Variants in C3orf70 observed in about 807,000 individuals in gnomAD.
C3orf70 encodes the protein chromosome 3 open reading frame 70.
Under a neutral mutation model 20.7 loss-of-function variants are expected in C3orf70, and 15 were observed. That is an observed-to-expected ratio of 0.72 (90% CI 0.48 to 1.11). The LOEUF (loss-of-function observed/expected upper bound fraction) is 1.11, where lower values mean the gene tolerates loss of function less well. Ranked by LOEUF, C3orf70 falls within the 50% of genes most tolerant of loss-of-function variation. C3orf70 has a pLI of 0.00. For missense variants in C3orf70, 332 were observed against 317.6 expected, an observed-to-expected ratio of 1.05 and a Z score of -0.34; for synonymous variants, 161 against 125.7, an observed-to-expected ratio of 1.28 and a Z score of -1.88.
rs192280531 is a variant in C3orf70 at position 185,086,769 on chromosome 3, G to C, written c.197-3206C>G. Among the ~76,000 whole-genome samples the C allele has an allele frequency of 9.8e-4, 149 of 152,260 alleles. 2 individuals carry two copies. The highest frequency in any genetic ancestry group is 1.3e-3 in the Non-Finnish European group (90 of 68,030). ...ATGTGTTTACTCAGAGCGAGGGTGA[G>C]AGCCTATTATCTGGTGATATGGGGA... On this transcript the variant is annotated intron_variant, in intron 1 of 1. Coordinates refer to ENST00000335012, the MANE Select transcript of C3orf70 (RefSeq NM_001025266.3).
chr3:185,113,285 C>CAAAAGAA (rs66537133), intron 1 of C3orf70, among the ~76,000 whole-genome samples: 1,431 of 138,522 alleles, frequency 0.01, 45 homozygotes, highest in African/African-American at 0.036. Context: ...CTAAAAAATA[C>CAAAAGAA]AAAAAAGAAA....
chr3:185,117,017 G>A (rs1178981418), intron 1 of C3orf70, among the ~76,000 whole-genome samples: 3 of 152,060 alleles, frequency 2.0e-5, no homozygotes, highest in African/African-American at 7.2e-5. Context: ...TCTGGACCTC[G>A]TGATCCGCCC....
chr3:185,118,516 C>G (rs1211850213), intron 1 of C3orf70, among the ~76,000 whole-genome samples: 2 of 152,124 alleles, frequency 1.3e-5, no homozygotes, highest in Non-Finnish European at 2.9e-5. Flanking sequence ...AGGGGGTACT[C>G]AGTAAATGCC....
At chr3:185,143,859 T>C (rs1716804230) in intron 1 of C3orf70, among the ~76,000 whole-genome samples, 1 of 152,188 alleles carries the variant, frequency 6.6e-6, no homozygotes, top group Non-Finnish European at 1.5e-5. Flanking sequence ...GTGTGATATA[T>C]ATGATAGCTC....
chr3:185,144,609 TTACAGGCATG>T (rs1247190901), intron 1 of C3orf70, among the ~76,000 whole-genome samples: 3 of 152,138 alleles, frequency 2.0e-5, no homozygotes, highest in Non-Finnish European at 4.4e-5. Context: ...GTAGCTGGGA[TTACAGGCATG>T]TACCACCATG....
At chr3:185,124,407 A>G (rs1281577453) in intron 1 of C3orf70, among the ~76,000 whole-genome samples, 4 of 152,228 alleles carry the variant, frequency 2.6e-5, no homozygotes, top group Non-Finnish European at 5.9e-5. Context: ...TGAACAGTGA[A>G]GTTGGAAGAC....
chr3:185,113,930 T>C (rs1716125872), intron 1 of C3orf70, among the ~76,000 whole-genome samples: 1 of 152,234 alleles, frequency 6.6e-6, no homozygotes, highest in Non-Finnish European at 1.5e-5. Flanking sequence ...CCGGGCGTGG[T>C]GGCTCACGCC....
intron 1 of C3orf70, among the ~76,000 whole-genome samples, chr3:185,125,235 C>G (rs1023668877): frequency 5.9e-5 from 9 of 151,982 alleles, no homozygotes; most frequent in African/African-American, 2.2e-4. Context: ...CAAAATTAGC[C>G]GGGTGTGGTG....
chr3:185,116,047 T>C (rs1377609823), intron 1 of C3orf70, among the ~76,000 whole-genome samples: 1 of 152,198 alleles, frequency 6.6e-6, no homozygotes, highest in East Asian at 1.9e-4. Flanking sequence ...CTTGTCCCAG[T>C]CCAGTGCTGC....
At chr3:185,085,894 G>C (rs912057645) in intron 1 of C3orf70, among the ~76,000 whole-genome samples, 3 of 152,130 alleles carry the variant, frequency 2.0e-5, no homozygotes, top group Non-Finnish European at 2.9e-5. Flanking sequence ...TCCACAGAGT[G>C]GTAAATAAAA....
chr3:185,109,687 T>C (rs1716022838), intron 1 of C3orf70, among the ~76,000 whole-genome samples: 4 of 152,194 alleles, frequency 2.6e-5, no homozygotes, highest in Admixed American at 2.6e-4. Context: ...AGAGAACAAT[T>C]ATACTTATTG....
chr3:185,114,788 A>G (rs1315820593), intron 1 of C3orf70, among the ~76,000 whole-genome samples: 3 of 152,378 alleles, frequency 2.0e-5, no homozygotes, highest in Admixed American at 1.3e-4. Flanking sequence ...AGCTAACACC[A>G]GAATCAGATT....
intron 1 of C3orf70, among the ~76,000 whole-genome samples, chr3:185,115,135 A>G (rs1716149646): frequency 2.0e-5 from 3 of 146,734 alleles, no homozygotes; most frequent in Non-Finnish European, 3.0e-5. Context: ...ACGGTCTGGG[A>G]TGGTACTCTG....
chr3:185,105,475 TC>T (rs1715915116), intron 1 of C3orf70, among the ~76,000 whole-genome samples: 1 of 152,240 alleles, frequency 6.6e-6, no homozygotes, highest in Admixed American at 6.5e-5. Context: ...TTCCTTTCAT[TC>T]GGCCCATCCC....
chr3:185,077,134 TG>T lies in C3orf70; in HGVS notation c.*5872del, dbSNP rs544965287. Among the ~76,000 whole-genome samples, 7 of 148,664 alleles carry T rather than the reference TG, an allele frequency of 4.7e-5. No homozygotes were observed. Among genetic ancestry groups the T allele is most frequent in the African/African-American group, 1.8e-4 (7 of 39,670 alleles). The stretch of plus-strand genomic sequence containing the variant: ...CAGAGACATGGTATAGGGTGCGGGG[TG>T]GGGGGGCACTGTATGGAGGACAGAG... On this transcript the variant is annotated 3_prime_UTR_variant, in exon 2 of 2. Coordinates refer to ENST00000335012, the MANE Select transcript of C3orf70 (RefSeq NM_001025266.3).
At chr3:185,100,579 A>G (rs1467207397) in intron 1 of C3orf70, among the ~76,000 whole-genome samples, 1 of 152,132 alleles carries the variant, frequency 6.6e-6, no homozygotes, top group East Asian at 1.9e-4. Context: ...CTAAATACCC[A>G]TATCAAAAAC....
Position 185,152,894 on chromosome 3 carries a change from A to G in C3orf70, c.-71T>C. 3 of 1,355,636 alleles carry G rather than the reference A, an allele frequency of 2.2e-6. No homozygotes were observed. The highest frequency in any genetic ancestry group is 2.9e-6 in the Non-Finnish European group (3 of 1,043,908). The allele number at this position is 1,355,636 out of a possible 1,614,324, so 84.0% of individuals were successfully genotyped here. On this transcript the variant is annotated 5_prime_UTR_variant, in exon 1 of 2. Transcript: ENST00000335012. ...CGACGTCTGGGTGGGCAGGAAGCCG[A>G]GCCGGCTGCGGACGCGGGAGGGCGC...
At chr3:185,145,063 T>TA (rs1716829682) in intron 1 of C3orf70, among the ~76,000 whole-genome samples, 1 of 152,252 alleles carries the variant, frequency 6.6e-6, no homozygotes, top group Non-Finnish European at 1.5e-5. Flanking sequence ...TCTATGTGTA[T>TA]ACGATTCCCT....
chr3:185,112,954 A>G (rs1253875497), intron 1 of C3orf70, among the ~76,000 whole-genome samples: 1 of 152,212 alleles, frequency 6.6e-6, no homozygotes, highest in Non-Finnish European at 1.5e-5. Context: ...AGTTCTCATG[A>G]CATTATTTCA....
Sources: gnomAD v4.1 joint callset for allele counts (sites outside exome capture counted in the v4.1 genomes callset) on GRCh38, gnomAD v4.1.1 for gene constraint, MANE v1.5 for transcripts, NCBI Gene and HGNC (gene_info 2026-07-23, HGNC 2026-07-21) for gene names.